SDK1: variants seen among roughly 807,000 people sequenced by gnomAD.
SDK1 encodes sidekick cell adhesion molecule 1.
SDK1 carries 157 observed loss-of-function variants against 245.5 expected under a neutral mutation model. The observed-to-expected ratio is 0.64, with a 90% confidence interval of 0.56 to 0.73. The LOEUF (loss-of-function observed/expected upper bound fraction) is 0.73, where lower values mean the gene tolerates loss of function less well. Ranked by LOEUF, SDK1 falls within the 30% of genes least tolerant of loss-of-function variation. The probability of loss-of-function intolerance (pLI) is 0.00; values close to 1 mark genes in which losing one functional copy is unlikely to be tolerated. For synonymous variants in SDK1, 1,647 were observed against 1,278.5 expected, an observed-to-expected ratio of 1.29 and a Z score of -6.15; for missense variants, 3,583 against 3,002.3, an observed-to-expected ratio of 1.19 and a Z score of -4.52.
intron 1 of SDK1, among the ~76,000 whole-genome samples, chr7:3,537,160 G>A (rs994064108): frequency 2.0e-5 from 3 of 152,072 alleles, no homozygotes; most frequent in South Asian, 2.1e-4. Flanking sequence ...GACAGCTACC[G>A]ATCTGATACC....
rs1584449232 is a variant in SDK1 at position 4,208,378 on chromosome 7, C to T, written c.5401+93C>T. ...GTCCCCTCACACAGTGGTTCCCGGC[C>T]CGCCCAGGCGGAAGGCAACACCTTT... is the stretch of plus-strand genomic sequence containing the variant. On this transcript the variant is annotated intron_variant, in intron 37 of 44. Coordinates refer to ENST00000404826, the MANE Select transcript of SDK1 (RefSeq NM_152744.4). The T allele has an allele frequency of 7.5e-6, 9 of 1,201,186 alleles. No individual in the cohort carries two copies. The South Asian group carries it at 9.4e-5, about 13-fold the overall frequency. 74.4% of individuals were successfully genotyped at this position (1,201,186 alleles called of 1,614,324 possible).
intron 25 of SDK1, among the ~76,000 whole-genome samples, chr7:4,122,909 C>T (rs933923334): frequency 5.3e-5 from 8 of 152,166 alleles, no homozygotes; most frequent in African/African-American, 1.2e-4. Flanking sequence ...GATTTAAATG[C>T]GCTGAAATTT....
intron 1 of SDK1, among the ~76,000 whole-genome samples, chr7:3,508,623 CA>C (rs1252913368): frequency 1.3e-5 from 2 of 152,154 alleles, no homozygotes; most frequent in Admixed American, 6.6e-5. Flanking sequence ...CCACCCCGCC[CA>C]GCCTTACATC....
At chr7:4,123,030 C>T (rs1485932056) in intron 25 of SDK1, among the ~76,000 whole-genome samples, 1 of 152,220 alleles carries the variant, frequency 6.6e-6, no homozygotes, top group African/African-American at 2.4e-5. Flanking sequence ...GCTGCAATCC[C>T]CAGGTTGCCC....
At position 3,653,672 on chromosome 7, in the gene SDK1, G is replaced by A. The variant is rs1018173065; in HGVS notation, c.713+11567G>A. Among the ~76,000 whole-genome samples, 12 of 152,198 alleles carry A rather than the reference G, an allele frequency of 7.9e-5. 1 individual carries two copies. ...CATCCCAATCACATGGGCCTCAGAG[G>A]AACTGGGATTTGGAAGGTGGAAGAG... On this transcript the variant is annotated intron_variant, in intron 4 of 44. Coordinates refer to ENST00000404826, the MANE Select transcript of SDK1 (RefSeq NM_152744.4).
At chr7:4,104,722 G>C (rs1000516159) in intron 22 of SDK1, among the ~76,000 whole-genome samples, 1 of 151,960 alleles carries the variant, frequency 6.6e-6, no homozygotes, top group African/African-American at 2.4e-5. Context: ...ATTTATTTTT[G>C]AGGCAGGGTC....
intron 4 of SDK1, among the ~76,000 whole-genome samples, chr7:3,717,140 G>A (rs888740955): frequency 6.6e-6 from 1 of 152,150 alleles, no homozygotes; most frequent in South Asian, 2.1e-4. Context: ...GCTGTGATAG[G>A]TTATAGATGC....
In SDK1 at chr7:4,054,003, A is replaced by G. The variant is rs111586491; in HGVS notation, c.2911+2173A>G. On this transcript the variant is annotated intron_variant, in intron 19 of 44. Coordinates refer to ENST00000404826, the MANE Select transcript of SDK1 (RefSeq NM_152744.4). ...GCCCAGGCTGGAGTGCAGTGGTGCA[A>G]TCTTGGCTCACTGCAACCTCTGCCT... Among the ~76,000 whole-genome samples, 1,223 of 151,926 alleles carry G rather than the reference A, an allele frequency of 8.0e-3. 12 individuals carry two copies. Among genetic ancestry groups the G allele is most frequent in the African/African-American group, 0.027 (1,136 of 41,378 alleles).
intron 5 of SDK1, among the ~76,000 whole-genome samples, chr7:3,942,947 C>G (rs978219744): frequency 6.6e-6 from 1 of 152,144 alleles, no homozygotes; most frequent in African/African-American, 2.4e-5. Flanking sequence ...TTGAGGGCAG[C>G]TTTGACCTCA....
At chr7:4,091,135 G>A (rs28374496) in intron 22 of SDK1, among the ~76,000 whole-genome samples, 2,990 of 152,072 alleles carry the variant, frequency 0.02, 54 homozygotes, top group Admixed American at 0.048. Context: ...TAACATGACT[G>A]CACTATCTTC....
chr7:3,729,561 G>T (rs1779114122), intron 4 of SDK1, among the ~76,000 whole-genome samples: 3 of 152,196 alleles, frequency 2.0e-5, no homozygotes, highest in African/African-American at 7.2e-5. Flanking sequence ...AATGCCAACA[G>T]TGCTAGATAT....
intron 35 of SDK1, among the ~76,000 whole-genome samples, chr7:4,202,087 A>G (rs1226307000): frequency 1.3e-5 from 2 of 152,060 alleles, no homozygotes; most frequent in African/African-American, 2.4e-5. Flanking sequence ...CAGATGTTCT[A>G]CTTTCCAGGA....
In SDK1 at chr7:3,504,176, A is replaced by G. The variant is rs1276266648; in HGVS notation, c.299-114904A>G. On this transcript the variant is annotated intron_variant, in intron 1 of 44. Coordinates refer to ENST00000404826, the MANE Select transcript of SDK1 (RefSeq NM_152744.4). Reference sequence around the variant, plus strand: ...AAAAAAAACCAAAAAAATTATATATATATATATGTGTGTGTGTGTGTGTGT... The same window carrying G: ...AAAAAAAACCAAAAAAATTATATATGTATATATGTGTGTGTGTGTGTGTGT... Among the ~76,000 whole-genome samples, 164 of 58,364 alleles carry G rather than the reference A, an allele frequency of 2.8e-3. 1 individual carries two copies. Among genetic ancestry groups the G allele is most frequent in the African/African-American group, 9.3e-3 (155 of 16,612 alleles). 38.3% of individuals were successfully genotyped at this position (58,364 alleles called of 152,430 possible). A position where few individuals can be genotyped will look rare whatever the true frequency, so the allele number is the denominator to read the frequency against.
Position 4,268,134 on chromosome 7 carries a change from G to A in SDK1, c.*2750G>A, listed in dbSNP as rs189334212. The A allele has an allele frequency of 9.3e-5, 92 of 985,928 alleles. No individual in the cohort carries two copies. The highest frequency in any genetic ancestry group is 1.8e-4 in the Admixed American group (3 of 16,364). The allele number at this position is 985,928 out of a possible 1,614,324, so 61.1% of individuals were successfully genotyped here. ...TCTCTCCTGCCGTGCTGAAAGTCATGCCTTGCGGATGCCTCATGACAGCAG... is the reference window on the plus strand; with the variant it reads ...TCTCTCCTGCCGTGCTGAAAGTCATACCTTGCGGATGCCTCATGACAGCAG... On this transcript the variant is annotated 3_prime_UTR_variant, in exon 45 of 45. Transcript: ENST00000404826.
At chr7:4,031,333 A>G (rs1167605636) in intron 17 of SDK1, among the ~76,000 whole-genome samples, 6 of 152,230 alleles carry the variant, frequency 3.9e-5, no homozygotes, top group Admixed American at 2.0e-4. Context: ...ATATTTTGCC[A>G]TATTATTAGT....
chr7:3,956,632 G>A (rs575797562), intron 7 of SDK1, among the ~76,000 whole-genome samples: 2 of 152,328 alleles, frequency 1.3e-5, no homozygotes, highest in South Asian at 4.1e-4. Flanking sequence ...CAGGACATTG[G>A]CCCCTGCAGG....
intron 17 of SDK1, among the ~76,000 whole-genome samples, chr7:4,023,938 A>G (rs1232918900): frequency 2.6e-5 from 4 of 152,234 alleles, no homozygotes; most frequent in African/African-American, 9.6e-5. Flanking sequence ...TGGATTAGCA[A>G]ACTCCTTCTA....
At chr7:3,746,656 C>T (rs1375245095) in intron 4 of SDK1, among the ~76,000 whole-genome samples, 1 of 152,176 alleles carries the variant, frequency 6.6e-6, no homozygotes, top group Non-Finnish European at 1.5e-5. Flanking sequence ...TTTGCTTATC[C>T]ATAAGAAATA....
chr7:4,065,838 A>G (rs1242722986), intron 19 of SDK1, among the ~76,000 whole-genome samples: 3 of 151,332 alleles, frequency 2.0e-5, no homozygotes, highest in Non-Finnish European at 4.4e-5. Context: ...TGTTTGTGCA[A>G]GTGAGGCTGG....
Sources: allele counts gnomAD v4.1 joint callset (sites outside exome capture counted in the v4.1 genomes callset), GRCh38; gene constraint gnomAD v4.1.1; transcripts MANE v1.5; gene names NCBI Gene and HGNC (gene_info 2026-07-23, HGNC 2026-07-21).